Variants in MAP2K1 observed in about 807,000 individuals in gnomAD.
MAP2K1 encodes mitogen-activated protein kinase kinase 1, also known as dual specificity mitogen-activated protein kinase kinase 1.
MAP2K1 carries 16 observed loss-of-function variants against 46.3 expected under a neutral mutation model. The ratio of observed to expected loss-of-function variants is 0.35; its 90% CI spans 0.23 to 0.52. The LOEUF (loss-of-function observed/expected upper bound fraction) is 0.52. Ranked by LOEUF, MAP2K1 falls within the 20% of genes least tolerant of loss-of-function variation. MAP2K1 has a pLI of 0.94. For missense variants in MAP2K1, 263 were observed against 497.1 expected, an observed-to-expected ratio of 0.53 and a Z score of 4.48; for synonymous variants, 183 against 185.6, an observed-to-expected ratio of 0.99 and a Z score of 0.11.
At chr15:66,390,603 A>T (rs61156345) in intron 1 of MAP2K1, among the ~76,000 whole-genome samples, 2 of 152,170 alleles carry the variant, frequency 1.3e-5, no homozygotes, top group Non-Finnish European at 1.5e-5. Flanking sequence ...ATGCAAAAAT[A>T]GCTTTCTTTT....
intron 1 of MAP2K1, among the ~76,000 whole-genome samples, chr15:66,389,871 G>T (rs1009861072): frequency 6.6e-6 from 1 of 152,096 alleles, no homozygotes; most frequent in Non-Finnish European, 1.5e-5. Context: ...TTGTGGTTTT[G>T]TGACCTGGTT....
chr15:66,387,196 G>T lies in MAP2K1; in HGVS notation c.-152G>T. ...AGACCGCTACCGGCCCCTCGGCGCT[G>T]ACGGGACCGCGCGGGGCGCACCCGC... On this transcript the variant is annotated 5_prime_UTR_variant, in exon 1 of 11. Coordinates refer to ENST00000307102, the MANE Select transcript of MAP2K1 (RefSeq NM_002755.4). The T allele has an allele frequency of 1.8e-6, 1 of 569,090 alleles. No homozygotes were observed. The highest frequency in any genetic ancestry group is 2.6e-5 in the South Asian group (1 of 38,596). The allele number at this position is 569,090 out of a possible 1,614,324, so 35.3% of individuals were successfully genotyped here.
intron 8 of MAP2K1, 145 bp downstream of exon 8, chr15:66,487,437 G>T: frequency 1.3e-6 from 1 of 772,444 alleles, no homozygotes; most frequent in Non-Finnish European, 2.3e-6. Flanking sequence ...TGAGGAGTTC[G>T]AGACCAGCCT....
chr15:66,456,092 C>T (rs1416551735), intron 5 of MAP2K1, among the ~76,000 whole-genome samples: 1 of 152,084 alleles, frequency 6.6e-6, no homozygotes, highest in African/African-American at 2.4e-5. Flanking sequence ...GTCTTTTCCC[C>T]CATCAAAGAG....
At chr15:66,448,562 A>G (rs945399112) in intron 5 of MAP2K1, among the ~76,000 whole-genome samples, 2 of 152,244 alleles carry the variant, frequency 1.3e-5, no homozygotes, top group Non-Finnish European at 2.9e-5. Flanking sequence ...TCTCATTTCC[A>G]GGGAAAATTT....
At chr15:66,448,391 G>A (rs1055370509) in intron 5 of MAP2K1, among the ~76,000 whole-genome samples, 1 of 152,140 alleles carries the variant, frequency 6.6e-6, no homozygotes, top group Non-Finnish European at 1.5e-5. Flanking sequence ...CTAATGCTGT[G>A]GTCCATAGCC....
At chr15:66,422,597 A>AACTAT (rs2093446282) in intron 1 of MAP2K1, among the ~76,000 whole-genome samples, 1 of 152,210 alleles carries the variant, frequency 6.6e-6, no homozygotes, top group Non-Finnish European at 1.5e-5. Context: ...GAAAAAAATG[A>AACTAT]ACGTATATGA....
At chr15:66,455,229 C>A (rs1322363614) in intron 5 of MAP2K1, among the ~76,000 whole-genome samples, 2 of 152,264 alleles carry the variant, frequency 1.3e-5, no homozygotes, top group East Asian at 3.9e-4. Flanking sequence ...TAGTCCATTG[C>A]CTAGTCCAGG....
chr15:66,461,036 C>CT (rs1327345327), intron 5 of MAP2K1, among the ~76,000 whole-genome samples: 1 of 152,144 alleles, frequency 6.6e-6, no homozygotes, highest in Non-Finnish European at 1.5e-5. Context: ...TGGGGCTGCC[C>CT]TTTCCTAAGT....
chr15:66,390,706 C>T (rs994080559), intron 1 of MAP2K1, among the ~76,000 whole-genome samples: 6 of 152,110 alleles, frequency 3.9e-5, no homozygotes, highest in African/African-American at 1.4e-4. Context: ...TTAAAATGTT[C>T]TTCTGGTTCT....
At chr15:66,434,413 T>C (rs2093482215) in intron 1 of MAP2K1, among the ~76,000 whole-genome samples, 1 of 152,234 alleles carries the variant, frequency 6.6e-6, no homozygotes. Context: ...TGGACCCTTA[T>C]TCAAAGAGTC....
intron 2 of MAP2K1, 115 bp downstream of exon 2, chr15:66,435,352 T>TTTC: frequency 1.6e-6 from 1 of 618,224 alleles, no homozygotes; most frequent in Non-Finnish European, 2.5e-6. Flanking sequence ...GCTGTTTGAA[T>TTTC]TTTTTTTTTT....
intron 1 of MAP2K1, among the ~76,000 whole-genome samples, chr15:66,408,458 T>C (rs896445777): frequency 1.3e-5 from 2 of 152,224 alleles, no homozygotes; most frequent in Non-Finnish European, 2.9e-5. Flanking sequence ...GGCAGCCATC[T>C]GCCTGACAGG....
At chr15:66,405,834 G>A (rs891848) in intron 1 of MAP2K1, among the ~76,000 whole-genome samples, 18,001 of 152,234 alleles carry the variant, frequency 0.12, 1,175 homozygotes, top group Non-Finnish European at 0.15. Context: ...GTATGAAATA[G>A]CACTTGGATT....
chr15:66,407,040 AG>A (rs1015968931), intron 1 of MAP2K1, among the ~76,000 whole-genome samples: 2 of 152,158 alleles, frequency 1.3e-5, no homozygotes, highest in African/African-American at 4.8e-5. Flanking sequence ...AACAGCTGGA[AG>A]GGGTCCCCAG....
chr15:66,427,913 C>A (rs2093463451), intron 1 of MAP2K1, among the ~76,000 whole-genome samples: 1 of 152,112 alleles, frequency 6.6e-6, no homozygotes, highest in South Asian at 2.1e-4. Context: ...ACTTGGAAAG[C>A]TGAGGCAGGA....
intron 1 of MAP2K1, among the ~76,000 whole-genome samples, chr15:66,433,648 T>A (rs1349401333): frequency 5.9e-5 from 9 of 152,140 alleles, no homozygotes; most frequent in African/African-American, 2.2e-4. Flanking sequence ...ATAGAGGGTG[T>A]GAAGGAAGAG....
chr15:66,453,375 C>A, intron 5 of MAP2K1: 1 of 657,176 alleles, frequency 1.5e-6, no homozygotes, highest in Non-Finnish European at 2.7e-6. Context: ...CTTGCACAGC[C>A]AAGAAAGGGA....
intron 1 of MAP2K1, among the ~76,000 whole-genome samples, chr15:66,424,058 T>C (rs2093450714): frequency 2.0e-5 from 1 of 49,690 alleles, no homozygotes; most frequent in Non-Finnish European, 6.2e-5. Context: ...CAGCCATGTC[T>C]TGTGCATTTT....
Sources: gnomAD v4.1 joint callset for allele counts (sites outside exome capture counted in the v4.1 genomes callset) on GRCh38, gnomAD v4.1.1 for gene constraint, MANE v1.5 for transcripts, NCBI Gene and HGNC (gene_info 2026-07-23, HGNC 2026-07-21) for gene names.